KCNS3: variants seen among roughly 807,000 people sequenced by gnomAD.
The protein encoded by KCNS3 is potassium voltage-gated channel modifier subfamily S member 3, also known as delayed-rectifier potassium channel regulatory subunit KCNS3.
Under a neutral mutation model 31.0 loss-of-function variants are expected in KCNS3, and 13 were observed. The observed-to-expected ratio is 0.42, with a 90% confidence interval of 0.27 to 0.67. The LOEUF (loss-of-function observed/expected upper bound fraction) is 0.67, where lower values mean the gene tolerates loss of function less well. KCNS3 is among the 30% of genes least tolerant of loss of function. KCNS3 has a pLI of 0.25. For synonymous variants in KCNS3, 238 were observed against 241.5 expected (o/e 0.99, Z 0.13); for missense variants, 545 against 622.4 (o/e 0.88, Z 1.32).
rs1356731236 is a variant in KCNS3, at chr2:17,931,442, C to T, written c.434C>T (p.Ser145Leu). The T allele has an allele frequency of 9.9e-6, 16 of 1,614,116 alleles. No homozygotes were observed. Among genetic ancestry groups the T allele is most frequent in the Non-Finnish European group, 1.3e-5 (15 of 1,180,024 alleles). Residue 145 changes from serine (S) to leucine (L), a missense_variant, in exon 3 of 3, where the codon TCG becomes TTG. Physicochemically the swap from Ser to Leu is moderately radical, Grantham distance 145. Coordinates refer to ENST00000304101, the MANE Select transcript of KCNS3 (RefSeq NM_002252.5). This position sits in a 1 kb window ranked among gnomAD's most constrained non-coding sequence, Gnocchi z 5.4. The stretch of plus-strand genomic sequence containing the variant: ...AGCCATGATGTGAGTACCGACTCCT[C>T]GTTTGAAGAGTCGTCTCTGTTTGAG... ...QKSHDVSTDSSFEESSLFEKE... is the reference protein window; with the variant it reads ...QKSHDVSTDSLFEESSLFEKE...
At chr2:17,915,800 A>C (rs529943220) in intron 1 of KCNS3, among the ~76,000 whole-genome samples, 1 of 152,300 alleles carries the variant, frequency 6.6e-6, no homozygotes, top group Non-Finnish European at 1.5e-5. Context: ...TCATAACAAG[A>C]GATATTGTCT....
chr2:17,930,298 G>A lies in KCNS3; in HGVS notation c.-59-652G>A, dbSNP rs149629783. Among the ~76,000 whole-genome samples the A allele has an allele frequency of 3.3e-5, 5 of 152,306 alleles. No homozygotes were observed. In the East Asian group the frequency reaches 9.6e-4, roughly 29 times the overall value. On this transcript the variant is annotated intron_variant, in intron 2 of 2. Coordinates refer to ENST00000304101, the MANE Select transcript of KCNS3 (RefSeq NM_002252.5). The stretch of plus-strand genomic sequence containing the variant: ...TTCCTGAAACACCATCCCATGAAGT[G>A]TAATGATATCTTTAAGATATAAGGT...
At chr2:17,905,473 C>T (rs1461633494) in intron 1 of KCNS3, among the ~76,000 whole-genome samples, 1 of 152,124 alleles carries the variant, frequency 6.6e-6, no homozygotes, top group East Asian at 1.9e-4. Flanking sequence ...GCCTGATTGC[C>T]CTGGCCAGAA....
intron 1 of KCNS3, among the ~76,000 whole-genome samples, chr2:17,896,384 C>A (rs1481856887): frequency 1.3e-5 from 2 of 151,990 alleles, no homozygotes; most frequent in South Asian, 4.2e-4. Context: ...GTCCCTCTAG[C>A]CATCCACGGA....
At chr2:17,888,600 C>A (rs1287146801) in intron 1 of KCNS3, among the ~76,000 whole-genome samples, 1 of 122,032 alleles carries the variant, frequency 8.2e-6, no homozygotes, top group Non-Finnish European at 1.6e-5. Flanking sequence ...GCACATGTAC[C>A]CTAGAACTTA....
chr2:17,926,674 G>A (rs1662845068), intron 2 of KCNS3, among the ~76,000 whole-genome samples: 1 of 152,242 alleles, frequency 6.6e-6, no homozygotes, highest in South Asian at 2.1e-4. Flanking sequence ...GAGCTGAAAT[G>A]TCTGGGATGC....
At chr2:17,906,881 A>G (rs553845883) in intron 1 of KCNS3, among the ~76,000 whole-genome samples, 2 of 152,156 alleles carry the variant, frequency 1.3e-5, no homozygotes, top group African/African-American at 4.8e-5. Context: ...ACTTCCAACT[A>G]TGTGGTCAAT....
intron 2 of KCNS3, among the ~76,000 whole-genome samples, chr2:17,923,018 C>CT (rs1662754412): frequency 6.6e-6 from 1 of 152,128 alleles, no homozygotes. Context: ...GAGGAATGGG[C>CT]TTAAACTGCT....
In KCNS3 at chr2:17,931,989, G is replaced by C. The variant is rs1489420405; in HGVS notation, c.981G>C (p.Leu327=). 1.9e-6 allele frequency: 3 copies of C among 1,614,074 alleles called. No homozygotes were observed. In the African/African-American group the frequency reaches 4.0e-5, roughly 22 times the overall value. ...ACAGCTACCATGAAGTTGGGCTTCT[G>C]CTTCTCTTCCTCTCTGTGGGCATTT... ...LRHSYHEVGL[L]LLFLSVGISI... is the part of the protein sequence containing the mutation. The change falls in exon 3 of 3, where the codon CTG becomes CTC. Residue 327 remains leucine (L), a synonymous_variant. Coordinates refer to ENST00000304101, the MANE Select transcript of KCNS3 (RefSeq NM_002252.5). This position sits in a 1 kb window ranked among gnomAD's most constrained non-coding sequence, Gnocchi z 5.4.
chr2:17,911,360 G>T (rs541146235), intron 1 of KCNS3, among the ~76,000 whole-genome samples: 1 of 152,308 alleles, frequency 6.6e-6, no homozygotes, highest in Non-Finnish European at 1.5e-5. Flanking sequence ...GGATAGTGGA[G>T]GGCTTTGGCT....
intron 1 of KCNS3, among the ~76,000 whole-genome samples, chr2:17,915,509 A>G (rs1662569878): frequency 6.6e-6 from 1 of 152,062 alleles, no homozygotes; most frequent in African/African-American, 2.4e-5. Flanking sequence ...TTGATTTTCC[A>G]CACTAATTGA....
Position 17,892,912 on chromosome 2 carries a change from G to C in KCNS3, c.-252+14106G>C, listed in dbSNP as rs147921878. On this transcript the variant is annotated intron_variant, in intron 1 of 2. Coordinates refer to ENST00000304101, the MANE Select transcript of KCNS3 (RefSeq NM_002252.5). ...TGCTCTATTTTTTTACTGGTTGGCC[G>C]CCTGCCAGGAGGCGGCACTTTCAGC... Among the ~76,000 whole-genome samples the C allele has an allele frequency of 3.0e-3, 454 of 152,310 alleles. 3 individuals carry two copies. Among genetic ancestry groups the C allele is most frequent in the Middle Eastern group, 0.017 (5 of 294 alleles).
At position 17,932,338 on chromosome 2, in the gene KCNS3, T is replaced by G; in HGVS notation, c.1330T>G (p.Tyr444Asp). Residue 444 changes from tyrosine to aspartate, a missense_variant, in exon 3 of 3, where the codon TAT becomes GAT. Transcript: ENST00000304101. ...ACCTTACTTTAACATTAGGGATATA[T>G]ATGCACAGCGGATGCACACCTTCAT... ...ELPYFNIRDI[Y>D]AQRMHTFITS... 1 of 1,614,132 alleles carries G rather than the reference T, an allele frequency of 6.2e-7. No individual in the cohort carries two copies. The highest frequency in any genetic ancestry group is 8.5e-7 in the Non-Finnish European group (1 of 1,179,998).
chr2:17,894,477 C>T (rs980851469), intron 1 of KCNS3, among the ~76,000 whole-genome samples: 5 of 152,196 alleles, frequency 3.3e-5, no homozygotes, highest in African/African-American at 7.2e-5. Context: ...TAACAGTCCT[C>T]CACAAACCCT....
At chr2:17,928,825 C>G (rs1290304931) in intron 2 of KCNS3, among the ~76,000 whole-genome samples, 1 of 152,092 alleles carries the variant, frequency 6.6e-6, no homozygotes, top group Non-Finnish European at 1.5e-5. Flanking sequence ...CCTCTTTTGG[C>G]CTTTCTGCTT....
rs1230390756 is a variant in KCNS3, at chr2:17,884,266, AAAATATATATATATAT to A, written c.-252+5462_-252+5477del. The stretch of plus-strand genomic sequence containing the variant: ...AACTTAAAGTATAATTAAAAAAAAA[AAAATATATATATATAT>A]ATATATATATATATATATATATTTA... On this transcript the variant is annotated intron_variant, in intron 1 of 2. Transcript: ENST00000304101. Among the ~76,000 whole-genome samples the A allele has an allele frequency of 1.5e-3, 68 of 45,142 alleles. 3 individuals carry two copies. In the South Asian group the frequency reaches 0.016, roughly 10 times the overall value. The allele number at this position is 45,142 out of a possible 152,430, so 29.6% of individuals were successfully genotyped here.
chr2:17,901,447 G>A (rs1662171191), intron 1 of KCNS3, among the ~76,000 whole-genome samples: 1 of 152,200 alleles, frequency 6.6e-6, no homozygotes, highest in Admixed American at 6.5e-5. Flanking sequence ...ATGATCTCCA[G>A]GTGTCTGGCC....
chr2:17,927,710 A>G (rs929970875), intron 2 of KCNS3, among the ~76,000 whole-genome samples: 6 of 152,138 alleles, frequency 3.9e-5, no homozygotes, highest in Non-Finnish European at 8.8e-5. Flanking sequence ...CCATGATCCA[A>G]TCACCTCCCA....
chr2:17,911,997 TTTA>T (rs1227715985), intron 1 of KCNS3, among the ~76,000 whole-genome samples: 1 of 152,178 alleles, frequency 6.6e-6, no homozygotes, highest in Non-Finnish European at 1.5e-5. Context: ...TTCTGTAACT[TTTA>T]TTATTTCAGC....
Sources: gnomAD v4.1 joint callset for allele counts (sites outside exome capture counted in the v4.1 genomes callset) on GRCh38, gnomAD v4.1.1 for gene constraint, Gnocchi (gnomAD v3.1) non-coding constraint, MANE v1.5 for transcripts, NCBI Gene and HGNC (gene_info 2026-07-23, HGNC 2026-07-21) for gene names.